NEDD9: variants seen among roughly 807,000 people sequenced by gnomAD.
NEDD9 encodes enhancer of filamentation 1.
A neutral mutation model predicts 76.6 loss-of-function variants in NEDD9; 26 were observed. That is an observed-to-expected ratio of 0.34 (90% confidence interval 0.25 to 0.47). The LOEUF is 0.47. Among genes scored for constraint, NEDD9 ranks in the 20% least tolerant of loss-of-function variants. The pLI, the probability that NEDD9 is intolerant of heterozygous loss-of-function variation, is 1.00. For synonymous variants in NEDD9, 392 were observed against 414.2 expected, an observed-to-expected ratio of 0.95 and a Z score of 0.65; for missense variants, 937 against 1,058.5, an observed-to-expected ratio of 0.89 and a Z score of 1.59.
At chr6:11,235,670 C>T (rs1759582975), upstream of NEDD9, among the ~76,000 whole-genome samples, 1 of 152,162 alleles carries the variant, frequency 6.6e-6, no homozygotes, top group Admixed American at 6.6e-5. The surrounding 1 kb of genome is among the most constrained non-coding windows in gnomAD (Gnocchi z 4.1). Context: ...GATATTTAAG[C>T]AGAAATCTGA....
intron 2 of NEDD9, among the ~76,000 whole-genome samples, chr6:11,196,670 G>T (rs1758301798): frequency 6.6e-6 from 1 of 152,084 alleles, no homozygotes. Context: ...ACCACAGGGG[G>T]GAAACGCCAA....
chr6:11,244,857 C>A (rs1475767623), intron 3 of NEDD9, among the ~76,000 whole-genome samples: 1 of 152,186 alleles, frequency 6.6e-6, no homozygotes, highest in African/African-American at 2.4e-5. Context: ...ATCCTGTTGT[C>A]TGTGCCTCTG....
chr6:11,260,005 A>G (rs1380475054), intron 3 of NEDD9, among the ~76,000 whole-genome samples: 1 of 151,158 alleles, frequency 6.6e-6, no homozygotes, highest in Admixed American at 6.6e-5. Context: ...TCCATCTGCT[A>G]GTCTCAGTGT....
At chr6:11,206,188 G>T (rs1298895727) in intron 2 of NEDD9, among the ~76,000 whole-genome samples, 1 of 152,114 alleles carries the variant, frequency 6.6e-6, no homozygotes, top group Non-Finnish European at 1.5e-5. Flanking sequence ...GGAGGCCGAG[G>T]TGGGCAGATC....
rs138181585 is a variant in NEDD9, at chr6:11,220,930, AGAGT to A, written c.13-7207_13-7204del. Among the ~76,000 whole-genome samples, 744 of 152,336 alleles carry A rather than the reference AGAGT, an allele frequency of 4.9e-3. 6 individuals carry two copies. The highest frequency in any genetic ancestry group is 0.017 in the African/African-American group (712 of 41,578). ...TGTAACCAACAAAATCTTAGGGCAA[AGAGT>A]TAGTAGGCAGATTTGCATATATGTG... On this transcript the variant is annotated intron_variant, in intron 1 of 6. Transcript: ENST00000379446.
At chr6:11,264,414 A>G (rs1181304384) in intron 3 of NEDD9, among the ~76,000 whole-genome samples, 2 of 152,182 alleles carry the variant, frequency 1.3e-5, no homozygotes, top group African/African-American at 2.4e-5. Flanking sequence ...TGGTGTCTAT[A>G]AAGATTGAGC....
intron 1 of NEDD9, among the ~76,000 whole-genome samples, chr6:11,214,511 G>T (rs1209044103): frequency 1.2e-4 from 19 of 152,176 alleles, no homozygotes; most frequent in African/African-American, 4.6e-4. Context: ...CATCAGAAAA[G>T]CTGTGCCTTC....
chr6:11,255,891 C>T (rs1043545122), intron 3 of NEDD9, among the ~76,000 whole-genome samples: 1 of 152,074 alleles, frequency 6.6e-6, no homozygotes, highest in African/African-American at 2.4e-5. Context: ...TAGGAGGCTA[C>T]TGCAGAAATT....
chr6:11,297,132 G>GTT (rs199939249), intron 3 of NEDD9, among the ~76,000 whole-genome samples: 75 of 129,262 alleles, frequency 5.8e-4, no homozygotes, highest in East Asian at 8.5e-4. Flanking sequence ...AATTTGTTTT[G>GTT]TTTTTTTTTT....
chr6:11,348,525 C>T (rs1762405414), intron 1 of NEDD9, among the ~76,000 whole-genome samples: 1 of 152,188 alleles, frequency 6.6e-6, no homozygotes, highest in Admixed American at 6.5e-5. Context: ...TACCCAACTT[C>T]AAACTATACT....
At chr6:11,318,327 G>A (rs80241654) in intron 2 of NEDD9, among the ~76,000 whole-genome samples, 3,257 of 152,150 alleles carry the variant, frequency 0.021, 51 homozygotes, top group Middle Eastern at 0.071. Context: ...AGCACAAAAT[G>A]GAAAAGAAAA....
rs1758093915 is a variant in NEDD9, at chr6:11,190,029, C to T, written c.1840G>A (p.Asp614Asn). The T allele has an allele frequency of 1.9e-6, 3 of 1,551,512 alleles. No individual in the cohort carries two copies. The highest frequency in any genetic ancestry group is 8.7e-7 in the Non-Finnish European group (1 of 1,149,976). The stretch of plus-strand genomic sequence containing the variant: ...TCAGAACCATCACTGCTGCTACAGT[C>T]AGGGGCCTGCTCCTTGCTCAGGCCT... Reference protein sequence around the residue: ...PPGLSKEQAPDCSSSDGSERS... With the variant: ...PPGLSKEQAPNCSSSDGSERS... The change falls in exon 5 of 7, where the codon GAC becomes AAC. Residue 614 changes from aspartate to asparagine, a missense_variant. By Grantham distance (23) the Asp-to-Asn change is conservative (BLOSUM62 1). Transcript: ENST00000379446. This position sits in a 1 kb window ranked among gnomAD's most constrained non-coding sequence, Gnocchi z 5.8.
At chr6:11,251,950 A>AT (rs1385962279) in intron 3 of NEDD9, among the ~76,000 whole-genome samples, 1 of 150,480 alleles carries the variant, frequency 6.6e-6, no homozygotes, top group Non-Finnish European at 1.5e-5. Flanking sequence ...GTGGGGGGGG[A>AT]TGGTGAGTGA....
chr6:11,359,213 G>C (rs562641326), intron 1 of NEDD9, among the ~76,000 whole-genome samples: 1 of 152,324 alleles, frequency 6.6e-6, no homozygotes, highest in East Asian at 1.9e-4. Context: ...AGGGTGGAGA[G>C]ATGTCAGGGG....
At chr6:11,378,390 C>T (rs1231322353) in intron 1 of NEDD9, among the ~76,000 whole-genome samples, 2 of 152,164 alleles carry the variant, frequency 1.3e-5, no homozygotes, top group Non-Finnish European at 2.9e-5. Context: ...CAGCACCATG[C>T]TTCCTATACA....
At chr6:11,319,547 CACTA>C (rs1202890035) in intron 2 of NEDD9, among the ~76,000 whole-genome samples, 2 of 147,266 alleles carry the variant, frequency 1.4e-5, no homozygotes, top group Non-Finnish European at 3.0e-5. Flanking sequence ...TGCGGACACA[CACTA>C]ACATGCGGAC....
Position 11,198,445 on chromosome 6 carries a change from T to C in NEDD9, c.460-4753A>G, listed in dbSNP as rs6915811. On this transcript the variant is annotated intron_variant, in intron 2 of 6. Transcript: ENST00000379446. The surrounding 1 kb of genome is among the most constrained non-coding windows in gnomAD (Gnocchi z 4.7). ...TGCCATGTCCTTGTCTGAGATGCTC[T>C]TCTTTCTTTCCTCATATTCAAACTT... 0.073 allele frequency: 11,091 copies of C among 152,302 alleles called. 1,040 individuals are homozygous for C. Among genetic ancestry groups the C allele is most frequent in the African/African-American group, 0.21 (8,884 of 41,468 alleles). The allele number at this position is 152,302 out of a possible 1,614,324, so 9.4% of individuals were successfully genotyped here.
chr6:11,278,351 T>C (rs1349859931), intron 3 of NEDD9, among the ~76,000 whole-genome samples: 4 of 152,156 alleles, frequency 2.6e-5, no homozygotes, highest in Non-Finnish European at 5.9e-5. Flanking sequence ...GTGCACTGAC[T>C]CACTGAGTCC....
At chr6:11,256,758 C>A (rs747306382) in intron 3 of NEDD9, among the ~76,000 whole-genome samples, 1 of 152,192 alleles carries the variant, frequency 6.6e-6, no homozygotes, top group African/African-American at 2.4e-5. Flanking sequence ...GCCACCCTGC[C>A]CGGTCGAATT....
Sources: allele counts gnomAD v4.1 joint callset (sites outside exome capture counted in the v4.1 genomes callset), GRCh38; gene constraint gnomAD v4.1.1; non-coding constraint Gnocchi (gnomAD v3.1); transcripts MANE v1.5; gene names NCBI Gene and HGNC (gene_info 2026-07-23, HGNC 2026-07-21).